ZNF599: variants seen among roughly 807,000 people sequenced by gnomAD.
The protein encoded by ZNF599 is zinc finger protein 599.
In ZNF599, 10 loss-of-function variants were observed where a neutral mutation model predicts 11.7. That is an observed-to-expected ratio of 0.86 (90% CI 0.53 to 1.45). The LOEUF (loss-of-function observed/expected upper bound fraction) is 1.45, where lower values mean the gene tolerates loss of function less well. Among genes scored for constraint, ZNF599 ranks in the 40% most tolerant of loss-of-function variants. The pLI is 0.00. For synonymous variants in ZNF599, 232 were observed against 253.2 expected (o/e 0.92, Z 0.79); for missense variants, 688 against 713.6 (o/e 0.96, Z 0.41).
At chr19:34,773,998 C>G (rs1600161482), upstream of ZNF599, among the ~76,000 whole-genome samples, 1 of 152,346 alleles carries the variant, frequency 6.6e-6, no homozygotes, top group South Asian at 2.1e-4. Context: ...AATACGTTGA[C>G]TGATTCAACA....
At chr19:34,761,272 A>G (rs1461342318) in intron 3 of ZNF599, among the ~76,000 whole-genome samples, 6 of 152,154 alleles carry the variant, frequency 3.9e-5, no homozygotes, top group Non-Finnish European at 8.8e-5. Flanking sequence ...CTAAGTGAAC[A>G]TACACAAAAT....
chr19:34,787,491 A>G, the ZNF599 span, among the ~76,000 whole-genome samples: 1 of 152,222 alleles, frequency 6.6e-6, no homozygotes, highest in Non-Finnish European at 1.5e-5. Flanking sequence ...GGTTTCATAA[A>G]CTGTAGGATG....
upstream of ZNF599, among the ~76,000 whole-genome samples, chr19:34,776,388 TTTGA>T (rs1293715951): frequency 4.6e-5 from 7 of 152,338 alleles, no homozygotes; most frequent in African/African-American, 1.7e-4. Flanking sequence ...AGTTAATGGG[TTTGA>T]TTATTATTTT....
At chr19:34,792,592 G>C in the ZNF599 span, among the ~76,000 whole-genome samples, 1 of 152,154 alleles carries the variant, frequency 6.6e-6, no homozygotes, top group East Asian at 1.9e-4. Context: ...GGCCAGGTGC[G>C]GTGGCTCACG....
chr19:34,798,600 A>T, the ZNF599 span, among the ~76,000 whole-genome samples: 1 of 152,322 alleles, frequency 6.6e-6, no homozygotes, highest in East Asian at 1.9e-4. Context: ...TTTATCAACT[A>T]GTGTACACTG....
rs1024102517 is a variant in ZNF599 at position 34,758,143 on chromosome 19, T to TAAAC, written c.*887_*890dup. On this transcript the variant is annotated 3_prime_UTR_variant, in exon 4 of 4. Transcript: ENST00000329285. ...TCAAGAAACACTGATAAAGTGTCTT[T>TAAAC]AAACAAACAAACAAACAAATACCCA... 2.0e-5 allele frequency: 3 copies of TAAAC among 151,924 alleles called. No individual in the cohort carries two copies. Among genetic ancestry groups the TAAAC allele is most frequent in the Non-Finnish European group, 2.9e-5 (2 of 67,930 alleles). The allele number at this position is 151,924 out of a possible 1,614,324, so 9.4% of individuals were successfully genotyped here. A position where few individuals can be genotyped will look rare whatever the true frequency, so the allele number is the denominator to read the frequency against.
the ZNF599 span, among the ~76,000 whole-genome samples, chr19:34,800,761 A>T: frequency 6.6e-6 from 1 of 150,798 alleles, no homozygotes; most frequent in Non-Finnish European, 1.5e-5. Flanking sequence ...ACGCCCTACT[A>T]ATTTTGTGCT....
At chr19:34,799,998 G>A in the ZNF599 span, among the ~76,000 whole-genome samples, 4 of 152,216 alleles carry the variant, frequency 2.6e-5, no homozygotes, top group African/African-American at 9.7e-5. Context: ...GTAGGCTAAT[G>A]TCTTGTTAAT....
At chr19:34,777,395 A>T (rs868631079), upstream of ZNF599, among the ~76,000 whole-genome samples, 513 of 86,276 alleles carry the variant, frequency 5.9e-3, 1 homozygote, top group South Asian at 0.027. Context: ...TTAATATATA[A>T]TATATATTAT....
chr19:34,772,967 A>G lies in ZNF599; in HGVS notation c.-126T>C, dbSNP rs1008133719. On this transcript the variant is annotated 5_prime_UTR_variant, in exon 1 of 4. Transcript: ENST00000329285. ...GTCCCCGCCGTCGTGTAAAATGCAC[A>G]CAAGGTTCGCGGCGCCGCCTCTGCG... 2.5e-6 allele frequency: 3 copies of G among 1,196,888 alleles called. No homozygotes were observed. The highest frequency in any genetic ancestry group is 6.9e-5 in the Admixed American group (2 of 29,178). 74.1% of individuals were successfully genotyped at this position (1,196,888 alleles called of 1,614,324 possible).
chr19:34,786,688 G>A, the ZNF599 span, among the ~76,000 whole-genome samples: 1 of 152,096 alleles, frequency 6.6e-6, no homozygotes, highest in Non-Finnish European at 1.5e-5. Flanking sequence ...GGGAAATATT[G>A]TTCCAATGTC....
intron 1 of ZNF599, chr19:34,772,357 T>A (rs2069188387): frequency 1.0e-6 from 1 of 994,598 alleles, no homozygotes; most frequent in African/African-American, 1.7e-5. Flanking sequence ...GAGGCTCTCA[T>A]TCCCTCTCCC....
At chr19:34,800,627 G>T in the ZNF599 span, among the ~76,000 whole-genome samples, 9 of 115,888 alleles carry the variant, frequency 7.8e-5, no homozygotes, top group Non-Finnish European at 1.5e-4. Flanking sequence ...ACGGAGTGTC[G>T]CTCTGTCACC....
At chr19:34,775,453 A>G (rs573066865), upstream of ZNF599, among the ~76,000 whole-genome samples, 4 of 152,352 alleles carry the variant, frequency 2.6e-5, no homozygotes, top group East Asian at 7.7e-4. Flanking sequence ...GCAACTCTAT[A>G]GAGGTTGAAG....
the ZNF599 span, among the ~76,000 whole-genome samples, chr19:34,796,436 G>A: frequency 4.0e-5 from 6 of 151,678 alleles, no homozygotes; most frequent in African/African-American, 1.2e-4. Flanking sequence ...TCAGTCTTCC[G>A]AGAAGCTGGG....
At chr19:34,803,544 T>C in the ZNF599 span, among the ~76,000 whole-genome samples, 37 of 152,138 alleles carry the variant, frequency 2.4e-4, no homozygotes, top group Non-Finnish European at 4.0e-4. Flanking sequence ...CCAGTACATC[T>C]TTCTATAAAT....
chr19:34,758,440 A>G lies in ZNF599; in HGVS notation c.*594T>C, dbSNP rs796244573. On this transcript the variant is annotated 3_prime_UTR_variant, in exon 4 of 4. Transcript: ENST00000329285. ...CAAGGGTAGAGATGACAGTTTTGGA[A>G]CAATGAATACTTTTACTAAATGTTG... 5 of 152,426 alleles carry G rather than the reference A, an allele frequency of 3.3e-5. No individual in the cohort carries two copies. Among genetic ancestry groups the G allele is most frequent in the African/African-American group, 1.2e-4 (5 of 41,592 alleles). The allele number at this position is 152,426 out of a possible 1,614,324, so 9.4% of individuals were successfully genotyped here.
At chr19:34,775,650 G>A (rs530047132), upstream of ZNF599, among the ~76,000 whole-genome samples, 27 of 152,346 alleles carry the variant, frequency 1.8e-4, no homozygotes, top group African/African-American at 5.3e-4. Flanking sequence ...TATATGGTAA[G>A]TGAATTATAT....
the ZNF599 span, among the ~76,000 whole-genome samples, chr19:34,781,137 T>C: frequency 3.5e-5 from 5 of 144,390 alleles, no homozygotes; most frequent in South Asian, 1.1e-3. Context: ...GCCTGGGTGA[T>C]AGAGCGAGAC....
Sources: gnomAD v4.1 joint callset for allele counts (sites outside exome capture counted in the v4.1 genomes callset) on GRCh38, gnomAD v4.1.1 for gene constraint, MANE v1.5 for transcripts, NCBI Gene and HGNC (gene_info 2026-07-23, HGNC 2026-07-21) for gene names.